BLK: variants seen among roughly 807,000 people sequenced by gnomAD.
The protein encoded by BLK is BLK proto-oncogene, Src family tyrosine kinase.
In BLK, 64 loss-of-function variants were observed where a neutral mutation model predicts 61.8. The observed-to-expected ratio is 1.03, with a 90% CI of 0.85 to 1.27. BLK has a LOEUF of 1.27. Ranked by LOEUF, BLK falls within the 50% of genes most tolerant of loss-of-function variation. BLK has a pLI of 0.00. For synonymous variants in BLK, 351 were observed against 272.0 expected (o/e 1.29, Z -2.86); for missense variants, 853 against 660.5 (o/e 1.29, Z -3.19).
intron 6 of BLK, chr8:11,552,520 G>A (rs1408613258): frequency 6.6e-6 from 1 of 152,086 alleles, no homozygotes; most frequent in Non-Finnish European, 1.5e-5. Flanking sequence ...GTTGTTCCAG[G>A]ACATTTCAAA....
chr8:11,556,912 T>G (rs1801263593), intron 9 of BLK, 75 bp downstream of exon 9: 1 of 1,431,702 alleles, frequency 7.0e-7, no homozygotes, highest in Admixed American at 2.0e-5. Flanking sequence ...GAGGGTCCGC[T>G]GCGGTGGGTT....
At chr8:11,543,545 C>G (rs758810656) in intron 2 of BLK, among the ~76,000 whole-genome samples, 198 bp downstream of exon 2, 21 of 152,180 alleles carry the variant, frequency 1.4e-4, no homozygotes, top group Non-Finnish European at 2.8e-4. Flanking sequence ...TTAGCCAGAG[C>G]TCATTTCTCG....
intron 1 of BLK, among the ~76,000 whole-genome samples, chr8:11,542,352 C>A (rs1800418875): frequency 6.6e-6 from 1 of 152,218 alleles, no homozygotes. Context: ...AACAACACGC[C>A]CTTCTGACAC....
intron 1 of BLK, among the ~76,000 whole-genome samples, chr8:11,508,140 A>T (rs541300247): frequency 6.6e-6 from 1 of 152,282 alleles, no homozygotes; most frequent in East Asian, 1.9e-4. Context: ...CAGGCTCAGG[A>T]CTGTTTGACC....
intron 2 of BLK, among the ~76,000 whole-genome samples, chr8:11,544,937 C>A (rs1214922152): frequency 6.6e-6 from 1 of 152,204 alleles, no homozygotes; most frequent in Non-Finnish European, 1.5e-5. Context: ...GAATCTCCCT[C>A]CTCCCTCCCC....
chr8:11,497,798 G>A lies in BLK; in HGVS notation c.-2+3207G>A, dbSNP rs182699312. On this transcript the variant is annotated intron_variant, in intron 1 of 12. Coordinates refer to ENST00000259089, the MANE Select transcript of BLK (RefSeq NM_001715.3). ...CAGGACCCTTGGAAGAAAGAGAAGA[G>A]GCATCTGAGGCCTCTGGCACATTCC... 1.1e-4 allele frequency among the ~76,000 whole-genome samples: 16 copies of A among 152,344 alleles called. No homozygotes were observed. In the East Asian group the frequency reaches 3.1e-3, roughly 29 times the overall value.
At position 11,548,137 on chromosome 8, in the gene BLK, G is replaced by A. The variant is rs1800730636; in HGVS notation, c.269+12G>A. The A allele has an allele frequency of 6.2e-7, 1 of 1,607,282 alleles. No individual in the cohort carries two copies. The highest frequency in any genetic ancestry group is 8.5e-7 in the Non-Finnish European group (1 of 1,175,240). On this transcript the variant is annotated intron_variant, in intron 4 of 12. Transcript: ENST00000259089. ...CAGGTCCTGAAGGGGTGAGGTTCCA[G>A]GACACCATCCCCTGTCCCTGCAGGA...
At chr8:11,507,486 T>A (rs1447917086) in intron 1 of BLK, among the ~76,000 whole-genome samples, 1 of 152,208 alleles carries the variant, frequency 6.6e-6, no homozygotes, top group Non-Finnish European at 1.5e-5. Flanking sequence ...CCACCCACCC[T>A]GAGGGCTTTT....
Position 11,511,594 on chromosome 8 carries a change from G to A in BLK, c.-2+17003G>A, listed in dbSNP as rs116275714. ...ATACCTGGAGCAAAGAACATGGGGTGTAATTCAATTTCTCTTCTCCTTTCT... is the reference window on the plus strand; with the variant it reads ...ATACCTGGAGCAAAGAACATGGGGTATAATTCAATTTCTCTTCTCCTTTCT... On this transcript the variant is annotated intron_variant, in intron 1 of 12. Transcript: ENST00000259089. 5.4e-3 allele frequency among the ~76,000 whole-genome samples: 830 copies of A among 152,328 alleles called. 9 individuals are homozygous for A. The highest frequency in any genetic ancestry group is 0.019 in the African/African-American group (788 of 41,556).
rs778129715 is a variant in BLK at position 11,554,830 on chromosome 8, A to G, written c.560A>G (p.Tyr187Cys). The stretch of plus-strand genomic sequence containing the variant: ...ATCCGCTGCCTGGATGAAGGGGGCT[A>G]CTACATCTCCCCCCGGATCACCTTC... ...YKIRCLDEGGYYISPRITFPS... is the reference protein window; with the variant it reads ...YKIRCLDEGGCYISPRITFPS... Residue 187 changes from tyrosine (Y) to cysteine (C), a missense_variant, in exon 7 of 13, where the codon TAC becomes TGC. Transcript: ENST00000259089. 1 of 1,613,932 alleles carries G rather than the reference A, an allele frequency of 6.2e-7. No homozygotes were observed. The highest frequency in any genetic ancestry group is 8.5e-7 in the Non-Finnish European group (1 of 1,180,000).
At chr8:11,531,090 A>G (rs909909523) in intron 1 of BLK, among the ~76,000 whole-genome samples, 5 of 152,146 alleles carry the variant, frequency 3.3e-5, no homozygotes, top group South Asian at 2.1e-4. Flanking sequence ...TCCCCTAATG[A>G]CTGACGACAC....
intron 1 of BLK, among the ~76,000 whole-genome samples, chr8:11,512,376 T>A (rs1799046951): frequency 6.6e-6 from 1 of 152,200 alleles, no homozygotes. Context: ...GTAAAATTCC[T>A]CATCCTAAAC....
chr8:11,497,878 A>G (rs1363485105), intron 1 of BLK, among the ~76,000 whole-genome samples: 2 of 152,178 alleles, frequency 1.3e-5, no homozygotes, highest in Non-Finnish European at 2.9e-5. Flanking sequence ...CCTGCCAGCC[A>G]GGTCAGTCTG....
chr8:11,525,810 T>A (rs1234799427), intron 1 of BLK, among the ~76,000 whole-genome samples: 1 of 152,164 alleles, frequency 6.6e-6, no homozygotes, highest in Non-Finnish European at 1.5e-5. Flanking sequence ...AGTGGCATGA[T>A]CTCGGCTCAC....
At chr8:11,512,975 C>T (rs374236122) in intron 1 of BLK, among the ~76,000 whole-genome samples, 12 of 152,314 alleles carry the variant, frequency 7.9e-5, no homozygotes, top group Middle Eastern at 3.4e-3. Context: ...TCAGATTATT[C>T]AATTTTAAGG....
intron 8 of BLK, chr8:11,556,276 C>T (rs958925229): frequency 1.5e-5 from 5 of 325,922 alleles, no homozygotes; most frequent in Non-Finnish European, 2.4e-5. Flanking sequence ...CATGCGTCAT[C>T]CTCCTGCCCA....
intron 1 of BLK, among the ~76,000 whole-genome samples, chr8:11,531,696 A>C (rs2117380951): frequency 6.6e-6 from 1 of 152,126 alleles, no homozygotes; most frequent in Non-Finnish European, 1.5e-5. Context: ...GTGTCTTCTG[A>C]CTGCGTGCTA....
chr8:11,545,641 C>G (rs564155099), intron 2 of BLK: 20 of 271,472 alleles, frequency 7.4e-5, no homozygotes, highest in African/African-American at 2.8e-4. Context: ...AGAAGTTTCT[C>G]TACAGGATAT....
intron 1 of BLK, among the ~76,000 whole-genome samples, chr8:11,531,147 T>C (rs112269116): frequency 4.7e-4 from 71 of 152,360 alleles, no homozygotes; most frequent in African/African-American, 1.7e-3. Context: ...GTCTTCTCTG[T>C]TCAACTGTTT....
Sources: gnomAD v4.1 joint callset for allele counts (sites outside exome capture counted in the v4.1 genomes callset) on GRCh38, gnomAD v4.1.1 for gene constraint, MANE v1.5 for transcripts, NCBI Gene and HGNC (gene_info 2026-07-23, HGNC 2026-07-21) for gene names.